The following KIRREL3 variants were observed in gnomAD, a reference collection of about 807,000 sequenced individuals.
KIRREL3 encodes the protein kin of IRRE-like protein 3.
KIRREL3 carries 36 observed loss-of-function variants against 89.7 expected under a neutral mutation model. The ratio of observed to expected loss-of-function variants is 0.40; its 90% CI spans 0.31 to 0.53. KIRREL3 has a LOEUF of 0.53. Ranked by LOEUF, KIRREL3 falls within the 20% of genes least tolerant of loss-of-function variation. The probability of loss-of-function intolerance (pLI) is 0.49; values close to 1 mark genes in which losing one functional copy is unlikely to be tolerated. For synonymous variants in KIRREL3, 445 were observed against 441.4 expected, an observed-to-expected ratio of 1.01 and a Z score of -0.10; for missense variants, 864 against 1,056.6, an observed-to-expected ratio of 0.82 and a Z score of 2.53.
At position 126,495,766 on chromosome 11, in the gene KIRREL3, G is replaced by A. The variant is rs1174712538; in HGVS notation, c.434-22300C>T. 6.6e-6 allele frequency among the ~76,000 whole-genome samples: 1 copy of A among 152,156 alleles called. No homozygotes were observed. The highest frequency in any genetic ancestry group is 2.4e-5 in the African/African-American group (1 of 41,426). Reference sequence around the variant, plus strand: ...CCCTGCCCTTCTCACCGCTCTCCTTGTAAAAGGCAGTGCTGTGCAGCAGCC... The same window carrying A: ...CCCTGCCCTTCTCACCGCTCTCCTTATAAAAGGCAGTGCTGTGCAGCAGCC... On this transcript the variant is annotated intron_variant, in intron 4 of 16. Transcript: ENST00000525144. This position sits in a 1 kb window ranked among gnomAD's most constrained non-coding sequence, Gnocchi z 6.5.
rs1237020203 is a variant in KIRREL3 at position 126,563,970 on chromosome 11, C to T, written c.56-1058G>A. Among the ~76,000 whole-genome samples the T allele has an allele frequency of 1.3e-5, 2 of 152,218 alleles. No homozygotes were observed. Among genetic ancestry groups the T allele is most frequent in the Non-Finnish European group, 2.9e-5 (2 of 68,038 alleles). On this transcript the variant is annotated intron_variant, in intron 1 of 16. Transcript: ENST00000525144. The surrounding 1 kb of genome is among the most constrained non-coding windows in gnomAD (Gnocchi z 6.8). ...TTCAACCATGTTAAATGACTTCCCA[C>T]GATTGTCTTAGACCCCCACCCCACC...
At position 126,430,982 on chromosome 11, in the gene KIRREL3, C is replaced by T; in HGVS notation, c.1696+437G>A. The T allele has an allele frequency of 9.2e-7, 1 of 1,090,282 alleles. No homozygotes were observed. The highest frequency in any genetic ancestry group is 1.1e-6 in the Non-Finnish European group (1 of 897,598). The allele number at this position is 1,090,282 out of a possible 1,614,324, so 67.5% of individuals were successfully genotyped here. ...AATTCCTTTATTGCTTCCCCACCCA[C>T]TCCCCCACAGCTGTGTGAGTGACCT... On this transcript the variant is annotated intron_variant, in intron 14 of 16. Transcript: ENST00000525144. This position sits in a 1 kb window ranked among gnomAD's most constrained non-coding sequence, Gnocchi z 6.6.
Position 126,996,033 on chromosome 11 carries a change from C to T in KIRREL3, c.55+4422G>A, listed in dbSNP as rs373529878. Reference sequence around the variant, plus strand: ...GTGAAGGCCTTGACCCCACCCCACTCGTCCTCCCCCTAGGGACTTTCTTTT... The same window carrying T: ...GTGAAGGCCTTGACCCCACCCCACTTGTCCTCCCCCTAGGGACTTTCTTTT... On this transcript the variant is annotated intron_variant, in intron 1 of 16. Transcript: ENST00000525144. The surrounding 1 kb of genome is among the most constrained non-coding windows in gnomAD (Gnocchi z 4.7). Among the ~76,000 whole-genome samples, 27 of 152,276 alleles carry T rather than the reference C, an allele frequency of 1.8e-4. No homozygotes were observed. In the East Asian group the frequency reaches 4.3e-3, roughly 24 times the overall value.
Position 126,993,626 on chromosome 11 carries a change from T to A in KIRREL3, c.55+6829A>T, listed in dbSNP as rs1359562606. On this transcript the variant is annotated intron_variant, in intron 1 of 16. Coordinates refer to ENST00000525144, the MANE Select transcript of KIRREL3 (RefSeq NM_032531.4). The surrounding 1 kb of genome is among the most constrained non-coding windows in gnomAD (Gnocchi z 6.1). ...TAAGAGCTCTGGGGCAGAAACATGG[T>A]CTTCATTATCTTTGCATCAAAAGCC... 3.9e-5 allele frequency among the ~76,000 whole-genome samples: 6 copies of A among 152,198 alleles called. No homozygotes were observed. The highest frequency in any genetic ancestry group is 1.2e-4 in the African/African-American group (5 of 41,434).
In KIRREL3 at chr11:126,463,431, T is replaced by C; in HGVS notation, c.592-124A>G. 1.0e-6 allele frequency: 1 copy of C among 977,120 alleles called. No individual in the cohort carries two copies. Among genetic ancestry groups the C allele is most frequent in the Non-Finnish European group, 1.5e-6 (1 of 668,202 alleles). 60.5% of individuals were successfully genotyped at this position (977,120 alleles called of 1,614,324 possible). ...GGAGCTGTGGATGGAGGGGTTCAGC[T>C]TAGGAGACCTGGGCTGCCCATGTCT... On this transcript the variant is annotated intron_variant, in intron 5 of 16. Transcript: ENST00000525144. This position sits in a 1 kb window ranked among gnomAD's most constrained non-coding sequence, Gnocchi z 5.9.
At chr11:126,925,111 G>GA (rs1491058012) in intron 1 of KIRREL3, among the ~76,000 whole-genome samples, 2 of 129,432 alleles carry the variant, frequency 1.5e-5, no homozygotes, top group East Asian at 5.1e-4. Context: ...GGGGGGGGGG[G>GA]GCTGTTGGTC....
Position 126,583,524 on chromosome 11 carries a change from T to C in KIRREL3, c.56-20612A>G, listed in dbSNP as rs569751606. Among the ~76,000 whole-genome samples the C allele has an allele frequency of 7.9e-4, 121 of 152,308 alleles. 1 individual carries two copies. The South Asian group carries it at 0.024, about 30-fold the overall frequency. ...TACATATCAAGATAGAAAATGAATA[T>C]ACGAAGGAGTCTAGCATGAGGAGGA... On this transcript the variant is annotated intron_variant, in intron 1 of 16. Coordinates refer to ENST00000525144, the MANE Select transcript of KIRREL3 (RefSeq NM_032531.4).
At chr11:126,690,893 A>G (rs116350517) in intron 1 of KIRREL3, among the ~76,000 whole-genome samples, 103 of 152,282 alleles carry the variant, frequency 6.8e-4, no homozygotes, top group African/African-American at 2.4e-3. Flanking sequence ...GCTCTTGTAT[A>G]TGCTCTTCAC....
In KIRREL3 at chr11:126,754,209, A is replaced by G. The variant is rs4935990; in HGVS notation, c.56-191297T>C. Among the ~76,000 whole-genome samples the G allele has an allele frequency of 0.23, 34,905 of 152,198 alleles. 4,075 individuals are homozygous for G. The highest frequency in any genetic ancestry group is 0.28 in the South Asian group (1,330 of 4,818). On this transcript the variant is annotated intron_variant, in intron 1 of 16. Coordinates refer to ENST00000525144, the MANE Select transcript of KIRREL3 (RefSeq NM_032531.4). The surrounding 1 kb of genome is among the most constrained non-coding windows in gnomAD (Gnocchi z 5.1). The stretch of plus-strand genomic sequence containing the variant: ...TATTTCATTTGCAATGTCTTTTGAT[A>G]GAGTAGTCCCTGCCAAAAGTTTTGC...
In KIRREL3 at chr11:126,496,962, A is replaced by G. The variant is rs570483684; in HGVS notation, c.434-23496T>C. Among the ~76,000 whole-genome samples the G allele has an allele frequency of 1.6e-4, 24 of 152,248 alleles. No individual in the cohort carries two copies. In the South Asian group the frequency reaches 5.0e-3, roughly 32 times the overall value. ...GGAGGAGGAGGCCCACCCTTGCTGT[A>G]GGGAAATGGCCAAGGAAATGCACCC... On this transcript the variant is annotated intron_variant, in intron 4 of 16. Coordinates refer to ENST00000525144, the MANE Select transcript of KIRREL3 (RefSeq NM_032531.4). This position sits in a 1 kb window ranked among gnomAD's most constrained non-coding sequence, Gnocchi z 4.9.
rs921452813 is a variant in KIRREL3, at chr11:126,508,425, G to A, written c.433+12890C>T. Reference sequence around the variant, plus strand: ...GAATGGGATGGCAAATGAATGCTGCGGGTCTCGGGGCTCCCCAGGTCCATC... The same window carrying A: ...GAATGGGATGGCAAATGAATGCTGCAGGTCTCGGGGCTCCCCAGGTCCATC... On this transcript the variant is annotated intron_variant, in intron 4 of 16. Transcript: ENST00000525144. The surrounding 1 kb of genome is among the most constrained non-coding windows in gnomAD (Gnocchi z 4.9). 2.6e-5 allele frequency among the ~76,000 whole-genome samples: 4 copies of A among 152,128 alleles called. No homozygotes were observed. Among genetic ancestry groups the A allele is most frequent in the Admixed American group, 6.5e-5 (1 of 15,272 alleles).
intron 1 of KIRREL3, among the ~76,000 whole-genome samples, chr11:126,675,074 G>A (rs988517950): frequency 6.6e-6 from 1 of 152,186 alleles, no homozygotes; most frequent in Non-Finnish European, 1.5e-5. Context: ...CTTGTTGCCT[G>A]CCAGGCCCCA....
intron 1 of KIRREL3, among the ~76,000 whole-genome samples, chr11:126,786,131 T>C (rs1375839992): frequency 6.8e-6 from 1 of 146,854 alleles, no homozygotes; most frequent in Non-Finnish European, 1.5e-5. Context: ...GTTCATAGAC[T>C]TGATGGAATA....
In KIRREL3 at chr11:126,479,317, C is replaced by T. The variant is rs141927532; in HGVS notation, c.434-5851G>A. 2.4e-3 allele frequency among the ~76,000 whole-genome samples: 371 copies of T among 152,296 alleles called. 2 individuals carry two copies. The highest frequency in any genetic ancestry group is 4.3e-3 in the Non-Finnish European group (292 of 68,008). ...CCATGTGTCCTGCCCTCCTGCCTCC[C>T]TCCCTCCCAACCTTTCTCTCACCAG... is the stretch of plus-strand genomic sequence containing the variant. On this transcript the variant is annotated intron_variant, in intron 4 of 16. Transcript: ENST00000525144.
Position 126,476,483 on chromosome 11 carries a change from G to A in KIRREL3, c.434-3017C>T, listed in dbSNP as rs1311649492. Among the ~76,000 whole-genome samples, 1 of 152,254 alleles carries A rather than the reference G, an allele frequency of 6.6e-6. No homozygotes were observed. Among genetic ancestry groups the A allele is most frequent in the African/African-American group, 2.4e-5 (1 of 41,464 alleles). On this transcript the variant is annotated intron_variant, in intron 4 of 16. Transcript: ENST00000525144. This position sits in a 1 kb window ranked among gnomAD's most constrained non-coding sequence, Gnocchi z 6.4. ...GATTAGAGGCAGCGAGGACGAGGGAGGAGGGAGTGGGGCGTGTTGTGGGAG... is the reference window on the plus strand; with the variant it reads ...GATTAGAGGCAGCGAGGACGAGGGAAGAGGGAGTGGGGCGTGTTGTGGGAG...
At chr11:126,975,319 A>G (rs1949536516) in intron 1 of KIRREL3, among the ~76,000 whole-genome samples, 1 of 152,164 alleles carries the variant, frequency 6.6e-6, no homozygotes, top group Admixed American at 6.5e-5. Context: ...CTCCATGTCA[A>G]GACAGCTGTG....
rs1946610132 is a variant in KIRREL3 at position 126,684,928 on chromosome 11, G to T, written c.56-122016C>A. On this transcript the variant is annotated intron_variant, in intron 1 of 16. Transcript: ENST00000525144. This position sits in a 1 kb window ranked among gnomAD's most constrained non-coding sequence, Gnocchi z 4.2. ...CAGCAGGACAGGCTTCTTTGTCCTT[G>T]TCTCCCCCCTCCCTTTTGTCCTCTT... 6.6e-6 allele frequency among the ~76,000 whole-genome samples: 1 copy of T among 152,072 alleles called. No individual in the cohort carries two copies. The highest frequency in any genetic ancestry group is 6.6e-5 in the Admixed American group (1 of 15,262).
rs1170268078 is a variant in KIRREL3 at position 126,535,428 on chromosome 11, C to T, written c.134-8741G>A. Among the ~76,000 whole-genome samples, 2 of 152,188 alleles carry T rather than the reference C, an allele frequency of 1.3e-5. No individual in the cohort carries two copies. The highest frequency in any genetic ancestry group is 6.5e-5 in the Admixed American group (1 of 15,282). ...ACCCCATGTTTCTCTATGACTTGCA[C>T]ACCTGTGGCCCCATTCTGAGGTTGC... On this transcript the variant is annotated intron_variant, in intron 2 of 16. Transcript: ENST00000525144. The surrounding 1 kb of genome is among the most constrained non-coding windows in gnomAD (Gnocchi z 4.5).
chr11:126,963,475 T>C (rs1949161033), intron 1 of KIRREL3, among the ~76,000 whole-genome samples: 1 of 152,202 alleles, frequency 6.6e-6, no homozygotes, highest in Non-Finnish European at 1.5e-5. Flanking sequence ...GACAGGGTTT[T>C]GAGTTTTACA....
Sources: allele counts gnomAD v4.1 joint callset (sites outside exome capture counted in the v4.1 genomes callset), GRCh38; gene constraint gnomAD v4.1.1; non-coding constraint Gnocchi (gnomAD v3.1); transcripts MANE v1.5; gene names NCBI Gene and HGNC (gene_info 2026-07-23, HGNC 2026-07-21).